Variants in GABRB1 observed in about 807,000 individuals in gnomAD.
GABRB1 encodes the protein gamma-aminobutyric acid receptor subunit beta-1.
GABRB1 carries 17 observed loss-of-function variants against 51.6 expected under a neutral mutation model. The ratio of observed to expected loss-of-function variants is 0.33; its 90% CI spans 0.23 to 0.49. The LOEUF is 0.49. Ranked by LOEUF, GABRB1 falls within the 20% of genes least tolerant of loss-of-function variation. The pLI, the probability that GABRB1 is intolerant of heterozygous loss-of-function variation, is 0.99. For synonymous variants in GABRB1, 247 were observed against 218.9 expected, an observed-to-expected ratio of 1.13 and a Z score of -1.14; for missense variants, 410 against 600.6, an observed-to-expected ratio of 0.68 and a Z score of 3.32.
chr4:46,997,464 A>C (rs1389451706), intron 1 of GABRB1, among the ~76,000 whole-genome samples: 1 of 151,046 alleles, frequency 6.6e-6, no homozygotes, highest in African/African-American at 2.4e-5. Flanking sequence ...ATACATAACT[A>C]TAACTTCGTA....
chr4:47,182,492 G>T (rs111582483), intron 4 of GABRB1, among the ~76,000 whole-genome samples: 20 of 152,040 alleles, frequency 1.3e-4, no homozygotes, highest in African/African-American at 4.6e-4. Flanking sequence ...CTTTTTATGT[G>T]CATAGGGAAT....
chr4:47,273,485 A>C (rs932817143), intron 4 of GABRB1, among the ~76,000 whole-genome samples: 1 of 152,164 alleles, frequency 6.6e-6, no homozygotes, highest in African/African-American at 2.4e-5. Context: ...CCCCAAAGTC[A>C]CAAGGCGGTG....
At chr4:47,260,199 T>G (rs1358835900) in intron 4 of GABRB1, among the ~76,000 whole-genome samples, 6 of 152,242 alleles carry the variant, frequency 3.9e-5, no homozygotes, top group African/African-American at 7.2e-5. Context: ...CTCCATCCTT[T>G]TATTTTGAGC....
chr4:47,192,703 C>T (rs1719489337), intron 4 of GABRB1, among the ~76,000 whole-genome samples: 1 of 152,044 alleles, frequency 6.6e-6, no homozygotes, highest in African/African-American at 2.4e-5. Flanking sequence ...GATCTGTAAT[C>T]CATTTACTTT....
At chr4:47,045,416 T>C (rs190726260) in intron 3 of GABRB1, among the ~76,000 whole-genome samples, 2 of 151,322 alleles carry the variant, frequency 1.3e-5, no homozygotes, top group African/African-American at 4.9e-5. Context: ...AAAAAACTGG[T>C]CATTTTAAAG....
intron 3 of GABRB1, among the ~76,000 whole-genome samples, chr4:47,086,162 C>G (rs1028849010): frequency 6.6e-6 from 1 of 152,142 alleles, no homozygotes; most frequent in Non-Finnish European, 1.5e-5. Context: ...TTTTAATTAG[C>G]TAATTCAAAA....
chr4:47,082,469 G>A (rs1164593484), intron 3 of GABRB1, among the ~76,000 whole-genome samples: 1 of 152,034 alleles, frequency 6.6e-6, no homozygotes, highest in African/African-American at 2.4e-5. Context: ...TAAATCAGAA[G>A]TATTGAAGTA....
intron 4 of GABRB1, among the ~76,000 whole-genome samples, chr4:47,257,977 A>G (rs1374080174): frequency 6.6e-6 from 1 of 152,102 alleles, no homozygotes; most frequent in African/African-American, 2.4e-5. Context: ...AGTTTCTGTG[A>G]GATTCTTGAG....
chr4:47,098,861 C>T (rs939075656), intron 3 of GABRB1, among the ~76,000 whole-genome samples: 2 of 151,970 alleles, frequency 1.3e-5, no homozygotes, highest in Non-Finnish European at 2.9e-5. Context: ...GTAGATATCA[C>T]CTAGTGGCTG....
intron 4 of GABRB1, among the ~76,000 whole-genome samples, chr4:47,284,349 C>T (rs1388198772): frequency 6.6e-6 from 1 of 152,034 alleles, no homozygotes; most frequent in Admixed American, 6.6e-5. Context: ...TGAGTTCCAC[C>T]AAGCAGGAAT....
At chr4:47,408,483 T>C (rs1728650636) in intron 8 of GABRB1, among the ~76,000 whole-genome samples, 1 of 152,148 alleles carries the variant, frequency 6.6e-6, no homozygotes, top group South Asian at 2.1e-4. Context: ...AAAGAAAACT[T>C]AGGGATTCAG....
At chr4:47,018,228 A>G (rs1724808133) in intron 1 of GABRB1, among the ~76,000 whole-genome samples, 1 of 146,984 alleles carries the variant, frequency 6.8e-6, no homozygotes, top group Admixed American at 6.8e-5. Flanking sequence ...GGCTCTCCAT[A>G]TGTTGCCCAG....
chr4:47,271,995 A>G (rs1224726624), intron 4 of GABRB1, among the ~76,000 whole-genome samples: 2 of 33,688 alleles, frequency 5.9e-5, no homozygotes, highest in East Asian at 0.012. Context: ...TTAGTTACAC[A>G]TTAATAACTT....
chr4:47,104,896 T>C (rs1224925935), intron 3 of GABRB1, among the ~76,000 whole-genome samples: 2 of 152,092 alleles, frequency 1.3e-5, no homozygotes, highest in Non-Finnish European at 2.9e-5. Flanking sequence ...AATTCTCTGA[T>C]TGTTTCAACA....
chr4:47,075,386 C>T (rs1727501993), intron 3 of GABRB1, among the ~76,000 whole-genome samples: 1 of 152,104 alleles, frequency 6.6e-6, no homozygotes, highest in Admixed American at 6.6e-5. Flanking sequence ...GAAATTAAAC[C>T]TGCAGTGCAA....
At chr4:47,354,824 G>A (rs1726488946) in intron 5 of GABRB1, among the ~76,000 whole-genome samples, 1 of 148,508 alleles carries the variant, frequency 6.7e-6, no homozygotes, top group African/African-American at 2.5e-5. Context: ...TTCATCAAAA[G>A]ATATTAGCCT....
At chr4:47,335,913 C>G (rs1049606727) in intron 5 of GABRB1, among the ~76,000 whole-genome samples, 6 of 152,076 alleles carry the variant, frequency 3.9e-5, no homozygotes, top group Middle Eastern at 3.2e-3. Flanking sequence ...AAGATTTAAA[C>G]CTGGCAAAGA....
At chr4:47,098,270 G>A (rs1227117018) in intron 3 of GABRB1, among the ~76,000 whole-genome samples, 1 of 151,414 alleles carries the variant, frequency 6.6e-6, no homozygotes, top group Non-Finnish European at 1.5e-5. Flanking sequence ...GTCTTCCCTG[G>A]AGTTAGGTCT....
intron 4 of GABRB1, among the ~76,000 whole-genome samples, chr4:47,176,136 G>T (rs1350424206): frequency 6.6e-6 from 1 of 152,072 alleles, no homozygotes; most frequent in Admixed American, 6.6e-5. Flanking sequence ...CCATATTGAA[G>T]AGTCCAAATG....
Sources: gnomAD v4.1 joint callset for allele counts (sites outside exome capture counted in the v4.1 genomes callset) on GRCh38, gnomAD v4.1.1 for gene constraint, MANE v1.5 for transcripts, NCBI Gene and HGNC (gene_info 2026-07-23, HGNC 2026-07-21) for gene names.